Variants in SGCZ observed in about 807,000 individuals in gnomAD.
SGCZ encodes the protein sarcoglycan zeta.
Under a neutral mutation model 41.3 loss-of-function variants are expected in SGCZ, and 40 were observed. That is an observed-to-expected ratio of 0.97 (90% CI 0.75 to 1.26). The LOEUF is 1.26. Among genes scored for constraint, SGCZ ranks in the 50% most tolerant of loss-of-function variants. The pLI is 0.00. For synonymous variants in SGCZ, 206 were observed against 137.5 expected, an observed-to-expected ratio of 1.50 and a Z score of -3.49; for missense variants, 552 against 369.8, an observed-to-expected ratio of 1.49 and a Z score of -4.04.
intron 1 of SGCZ, among the ~76,000 whole-genome samples, chr8:14,853,271 C>T (rs868026067): frequency 2.0e-5 from 3 of 152,076 alleles, no homozygotes; most frequent in Admixed American, 6.6e-5. Context: ...TGTGAGGAAA[C>T]AACTAGGTAT....
intron 3 of SGCZ, among the ~76,000 whole-genome samples, chr8:14,310,833 A>C (rs1429067771): frequency 6.6e-6 from 1 of 152,110 alleles, no homozygotes; most frequent in Non-Finnish European, 1.5e-5. Context: ...GGTAATAGAA[A>C]ATTCGGAAAA....
chr8:15,082,383 CAT>C (rs369888582), intron 1 of SGCZ, among the ~76,000 whole-genome samples: 7 of 150,674 alleles, frequency 4.6e-5, no homozygotes, highest in East Asian at 3.9e-4. Flanking sequence ...TTAACAGATA[CAT>C]ATATATATAT....
chr8:15,180,098 C>T (rs1330657449), intron 1 of SGCZ, among the ~76,000 whole-genome samples: 2 of 152,120 alleles, frequency 1.3e-5, no homozygotes, highest in African/African-American at 4.8e-5. Context: ...TTCCTACATC[C>T]ATGCAAGTCT....
At chr8:15,034,635 A>C (rs754282239) in intron 1 of SGCZ, among the ~76,000 whole-genome samples, 1 of 152,188 alleles carries the variant, frequency 6.6e-6, no homozygotes, top group Non-Finnish European at 1.5e-5. Flanking sequence ...GATTCAATCC[A>C]AGCAAGACTA....
intron 5 of SGCZ, among the ~76,000 whole-genome samples, chr8:14,157,306 ATAT>A (rs1803904531): frequency 1.4e-5 from 2 of 147,892 alleles, no homozygotes; most frequent in African/African-American, 4.9e-5. Context: ...TTAATATACA[ATAT>A]TATATGTTAT....
chr8:15,081,454 G>A (rs538138966), intron 1 of SGCZ, among the ~76,000 whole-genome samples: 4 of 149,098 alleles, frequency 2.7e-5, no homozygotes, highest in Admixed American at 2.7e-4. Flanking sequence ...GAGATGACTA[G>A]TGGAGATGCA....
Position 15,030,665 on chromosome 8 carries a change from A to G in SGCZ, c.39+206920T>C, listed in dbSNP as rs143284392. On this transcript the variant is annotated intron_variant, in intron 1 of 7. Transcript: ENST00000382080. ...CAAGGGATGATTCCAGGCTCCTCTA[A>G]TACAAATACAAAGCAACTTCCTTTC... Among the ~76,000 whole-genome samples, 130 of 152,302 alleles carry G rather than the reference A, an allele frequency of 8.5e-4. 2 individuals are homozygous for G. The East Asian group carries it at 0.02, about 23-fold the overall frequency.
intron 1 of SGCZ, among the ~76,000 whole-genome samples, chr8:14,655,178 A>G (rs1210353689): frequency 2.0e-5 from 3 of 152,130 alleles, no homozygotes; most frequent in East Asian, 1.9e-4. Flanking sequence ...CATGATTTAC[A>G]TGGGTATGAA....
intron 2 of SGCZ, among the ~76,000 whole-genome samples, chr8:14,374,368 G>C (rs115607240): frequency 6.6e-6 from 1 of 152,002 alleles, no homozygotes; most frequent in Non-Finnish European, 1.5e-5. Context: ...AAGATGATTT[G>C]GTACATAGGT....
At chr8:14,702,882 T>C (rs1478029483) in intron 1 of SGCZ, among the ~76,000 whole-genome samples, 7 of 133,264 alleles carry the variant, frequency 5.3e-5, no homozygotes, top group Non-Finnish European at 9.7e-5. Context: ...GATAGATAGA[T>C]AAAAAGATAG....
chr8:14,338,971 G>A (rs183101657), intron 2 of SGCZ, among the ~76,000 whole-genome samples: 28 of 152,276 alleles, frequency 1.8e-4, no homozygotes, highest in South Asian at 6.2e-4. Context: ...GCAAAGGTAA[G>A]GCTGATGCTC....
At chr8:14,656,590 TCTCTC>T (rs1187972300) in intron 1 of SGCZ, among the ~76,000 whole-genome samples, 1 of 122,464 alleles carries the variant, frequency 8.2e-6, no homozygotes, top group African/African-American at 2.9e-5. Context: ...TTTCTTCTCT[TCTCTC>T]CTCTCCTCTC....
chr8:14,645,254 T>A (rs1807169896), intron 1 of SGCZ, among the ~76,000 whole-genome samples: 1 of 145,480 alleles, frequency 6.9e-6, no homozygotes, highest in African/African-American at 2.5e-5. Flanking sequence ...ACTTCTTCAA[T>A]TTTTTGATGA....
intron 1 of SGCZ, among the ~76,000 whole-genome samples, chr8:15,070,313 C>G (rs1805304295): frequency 6.6e-6 from 1 of 152,112 alleles, no homozygotes; most frequent in Non-Finnish European, 1.5e-5. Context: ...TTCATCTTCT[C>G]TAAAGGCTTT....
At chr8:15,080,871 C>G (rs1238522895) in intron 1 of SGCZ, among the ~76,000 whole-genome samples, 1 of 152,030 alleles carries the variant, frequency 6.6e-6, no homozygotes, top group African/African-American at 2.4e-5. Flanking sequence ...GGATTACAGG[C>G]ATGAGCCACC....
rs188488239 is a variant in SGCZ, at chr8:14,361,411, C to A, written c.235-37207G>T. ...TCTTTTTTCTCTAATCTTATCTTAT[C>A]GCTTTATTTCATTAATTTGCTCTTC... On this transcript the variant is annotated intron_variant, in intron 2 of 7. Transcript: ENST00000382080. Among the ~76,000 whole-genome samples, 3 of 152,226 alleles carry A rather than the reference C, an allele frequency of 2.0e-5. 1 individual carries two copies. Among genetic ancestry groups the A allele is most frequent in the Admixed American group, 6.5e-5 (1 of 15,276 alleles).
chr8:14,429,812 AT>A (rs1799892158), intron 2 of SGCZ, among the ~76,000 whole-genome samples: 3 of 151,628 alleles, frequency 2.0e-5, no homozygotes, highest in Non-Finnish European at 4.4e-5. Flanking sequence ...GTGGTAATTT[AT>A]TTATTGCCAT....
At chr8:14,618,235 T>C (rs1806170039) in intron 1 of SGCZ, among the ~76,000 whole-genome samples, 1 of 152,158 alleles carries the variant, frequency 6.6e-6, no homozygotes, top group Admixed American at 6.6e-5. Context: ...AGGTAAATGA[T>C]ATGGTATGTT....
chr8:15,058,883 G>C (rs1369614534), intron 1 of SGCZ, among the ~76,000 whole-genome samples: 1 of 152,140 alleles, frequency 6.6e-6, no homozygotes, highest in African/African-American at 2.4e-5. Context: ...CACATAGATA[G>C]AATATTGTAT....
Sources: allele counts gnomAD v4.1 joint callset (sites outside exome capture counted in the v4.1 genomes callset), GRCh38; gene constraint gnomAD v4.1.1; transcripts MANE v1.5; gene names NCBI Gene and HGNC (gene_info 2026-07-23, HGNC 2026-07-21).